The following CAMTA1 variants were observed in gnomAD, a reference collection of about 807,000 sequenced individuals.
The protein encoded by CAMTA1 is calmodulin-binding transcription activator 1.
CAMTA1 carries 27 observed loss-of-function variants against 170.9 expected under a neutral mutation model. That is an observed-to-expected ratio of 0.16 (90% CI 0.12 to 0.22). The LOEUF (loss-of-function observed/expected upper bound fraction) is 0.22. CAMTA1 is among the 10% of genes least tolerant of loss of function. CAMTA1 has a pLI of 1.00. For missense variants in CAMTA1, 1,619 were observed against 2,217.2 expected, an observed-to-expected ratio of 0.73 and a Z score of 5.42; for synonymous variants, 833 against 891.5, an observed-to-expected ratio of 0.93 and a Z score of 1.17.
chr1:7,464,440 G>A (rs958584885), intron 5 of CAMTA1, among the ~76,000 whole-genome samples: 11 of 152,156 alleles, frequency 7.2e-5, no homozygotes, highest in African/African-American at 1.4e-4. Context: ...TTCGCCACAC[G>A]GCCTCATGGA....
chr1:7,231,203 C>T (rs1273337849), intron 4 of CAMTA1, among the ~76,000 whole-genome samples: 2 of 152,136 alleles, frequency 1.3e-5, no homozygotes, highest in African/African-American at 2.4e-5. Context: ...TGGAAATAGC[C>T]TGATGGTGTC....
intron 5 of CAMTA1, among the ~76,000 whole-genome samples, chr1:7,406,517 C>G (rs1252962890): frequency 6.6e-6 from 1 of 152,114 alleles, no homozygotes; most frequent in Non-Finnish European, 1.5e-5. Context: ...ATGGCTTTGC[C>G]TTTTCTCACC....
chr1:7,706,465 T>A (rs1435427398), intron 11 of CAMTA1, among the ~76,000 whole-genome samples: 1 of 152,220 alleles, frequency 6.6e-6, no homozygotes, highest in South Asian at 2.1e-4. Flanking sequence ...CTGTGTCTTA[T>A]CGAGAAACTA....
chr1:7,625,754 C>G lies in CAMTA1; in HGVS notation c.511-14646C>G, dbSNP rs564694397. Among the ~76,000 whole-genome samples, 5 of 152,210 alleles carry G rather than the reference C, an allele frequency of 3.3e-5. No homozygotes were observed. In the South Asian group the frequency reaches 1.0e-3, roughly 32 times the overall value. On this transcript the variant is annotated intron_variant, in intron 6 of 22. Coordinates refer to ENST00000303635, the MANE Select transcript of CAMTA1 (RefSeq NM_015215.4). ...GGGCGTTGGTATTCAGGATGTCGAG[C>G]CCCACTGGTCTGGGGGACCAGTTGG...
chr1:7,705,504 C>T (rs926835179), intron 11 of CAMTA1, among the ~76,000 whole-genome samples: 1 of 146,198 alleles, frequency 6.8e-6, no homozygotes, highest in South Asian at 2.2e-4. Flanking sequence ...CGGGGACGAG[C>T]GTGTCGGGCG....
rs774956447 is a variant in CAMTA1 at position 7,146,976 on chromosome 1, CACAG to C, written c.302+55607_302+55610del. ...CATTCAAACATATGCCGTGCACACA[CACAG>C]AAAGTTACAGCACGCACACACGCAC... is the stretch of plus-strand genomic sequence containing the variant. On this transcript the variant is annotated intron_variant, in intron 4 of 22. Coordinates refer to ENST00000303635, the MANE Select transcript of CAMTA1 (RefSeq NM_015215.4). This position sits in a 1 kb window ranked among gnomAD's most constrained non-coding sequence, Gnocchi z 4.3. Among the ~76,000 whole-genome samples the C allele has an allele frequency of 1.6e-4, 25 of 151,890 alleles. No individual in the cohort carries two copies. The highest frequency in any genetic ancestry group is 4.6e-4 in the Admixed American group (7 of 15,240).
chr1:7,181,327 G>C (rs1354608061), intron 4 of CAMTA1, among the ~76,000 whole-genome samples: 2 of 152,124 alleles, frequency 1.3e-5, no homozygotes, highest in Non-Finnish European at 2.9e-5. Flanking sequence ...TAAAGACCAG[G>C]ATCAAGGCAA....
intron 3 of CAMTA1, among the ~76,000 whole-genome samples, chr1:6,844,492 C>G (rs1408893804): frequency 2.0e-5 from 2 of 101,148 alleles, no homozygotes; most frequent in Non-Finnish European, 3.9e-5. Flanking sequence ...GGCAACATGA[C>G]AAAACCATTG....
rs532649152 is a variant in CAMTA1, at chr1:7,478,294, C to G, written c.510+10393C>G. 2.0e-5 allele frequency among the ~76,000 whole-genome samples: 3 copies of G among 152,288 alleles called. No homozygotes were observed. The East Asian group carries it at 5.8e-4, about 29-fold the overall frequency. ...GATGCAACTGTGATTAGGAACAAAA[C>G]TCACTTGTTCCGCAGCCTCAGGCGG... is the stretch of plus-strand genomic sequence containing the variant. On this transcript the variant is annotated intron_variant, in intron 6 of 22. Transcript: ENST00000303635.
intron 6 of CAMTA1, among the ~76,000 whole-genome samples, chr1:7,542,827 G>T (rs2094630204): frequency 7.7e-6 from 1 of 129,364 alleles, no homozygotes. Context: ...ACCACGCCTG[G>T]CCTAAAACAC....
intron 5 of CAMTA1, among the ~76,000 whole-genome samples, chr1:7,386,657 T>A (rs983568154): frequency 3.1e-4 from 47 of 152,190 alleles, no homozygotes; most frequent in African/African-American, 1.1e-3. Flanking sequence ...AGCCCTCCCT[T>A]CCCAGCACGT....
rs1700294857 is a variant in CAMTA1, at chr1:7,014,757, TTACAC to T, written c.235-76546_235-76542del. Among the ~76,000 whole-genome samples the T allele has an allele frequency of 3.3e-5, 5 of 152,258 alleles. No individual in the cohort carries two copies. Among genetic ancestry groups the T allele is most frequent in the African/African-American group, 1.2e-4 (5 of 41,560 alleles). On this transcript the variant is annotated intron_variant, in intron 3 of 22. Transcript: ENST00000303635. The surrounding 1 kb of genome is among the most constrained non-coding windows in gnomAD (Gnocchi z 4.2). The stretch of plus-strand genomic sequence containing the variant: ...TCAGCCGAGGGGGCCAGTCTAGAGG[TTACAC>T]ATTCTGAGCTACCTTTCGGGGTCTG...
At chr1:7,647,340 G>A (rs540271393) in intron 7 of CAMTA1, among the ~76,000 whole-genome samples, 1 of 152,066 alleles carries the variant, frequency 6.6e-6, no homozygotes, top group African/African-American at 2.4e-5. Context: ...GGTGATTATA[G>A]AATATCAAGA....
intron 11 of CAMTA1, among the ~76,000 whole-genome samples, chr1:7,698,050 A>G (rs1005630739): frequency 7.1e-6 from 1 of 141,456 alleles, no homozygotes; most frequent in Non-Finnish European, 1.5e-5. Context: ...CTGCTCTGTC[A>G]GGTCATGCTG....
At chr1:6,956,841 G>A (rs766665856) in intron 3 of CAMTA1, among the ~76,000 whole-genome samples, 1 of 152,242 alleles carries the variant, frequency 6.6e-6, no homozygotes, top group Non-Finnish European at 1.5e-5. Flanking sequence ...GATGCTTTCT[G>A]CCTTGAGGTG....
intron 4 of CAMTA1, among the ~76,000 whole-genome samples, chr1:7,230,503 C>T (rs955081322): frequency 2.0e-5 from 3 of 149,256 alleles, no homozygotes; most frequent in Non-Finnish European, 4.4e-5. Context: ...TCTGGAACAT[C>T]CTCCTGAATC....
chr1:7,721,205 C>T (rs1443930325), intron 11 of CAMTA1, among the ~76,000 whole-genome samples: 1 of 152,118 alleles, frequency 6.6e-6, no homozygotes, highest in Non-Finnish European at 1.5e-5. Context: ...CTGTTAGGAC[C>T]CAGGGCAAAA....
chr1:7,297,685 C>T (rs1674163766), intron 5 of CAMTA1, among the ~76,000 whole-genome samples: 1 of 152,230 alleles, frequency 6.6e-6, no homozygotes, highest in Non-Finnish European at 1.5e-5. Flanking sequence ...TTTAGCAGCC[C>T]CAAACTCTTG....
chr1:7,654,490 A>G (rs903297201), intron 7 of CAMTA1, among the ~76,000 whole-genome samples: 2 of 151,686 alleles, frequency 1.3e-5, no homozygotes, highest in Non-Finnish European at 2.9e-5. Flanking sequence ...ACCCCTATAC[A>G]TACACACACC....
Sources: allele counts gnomAD v4.1 joint callset (sites outside exome capture counted in the v4.1 genomes callset), GRCh38; gene constraint gnomAD v4.1.1; non-coding constraint Gnocchi (gnomAD v3.1); transcripts MANE v1.5; gene names NCBI Gene and HGNC (gene_info 2026-07-23, HGNC 2026-07-21).